The following KLHDC1 variants were observed in gnomAD, a reference collection of about 807,000 sequenced individuals.
The protein encoded by KLHDC1 is kelch domain containing 1, also known as kelch domain-containing protein 1.
In KLHDC1, 53 loss-of-function variants were observed where a neutral mutation model predicts 68.3. The ratio of observed to expected loss-of-function variants is 0.78; its 90% CI spans 0.62 to 0.98. KLHDC1 has a LOEUF of 0.98. Among genes scored for constraint, KLHDC1 ranks in the 50% least tolerant of loss-of-function variants. KLHDC1 has a pLI of 0.00. For synonymous variants in KLHDC1, 148 were observed against 159.0 expected (o/e 0.93, Z 0.52); for missense variants, 470 against 492.3 (o/e 0.95, Z 0.43).
At chr14:49,693,365 A>AC in intron 1 of KLHDC1, 75 bp downstream of exon 1, 1 of 1,099,244 alleles carries the variant, frequency 9.1e-7, no homozygotes, top group Admixed American at 4.2e-5. Flanking sequence ...CGCCCGCCAC[A>AC]CCCGCTCCCG....
chr14:49,725,328 A>G (rs1888638647), intron 5 of KLHDC1, among the ~76,000 whole-genome samples: 1 of 152,310 alleles, frequency 6.6e-6, no homozygotes, highest in Non-Finnish European at 1.5e-5. Flanking sequence ...TTACAGCAAA[A>G]ATGAGGAGTT....
Position 49,725,764 on chromosome 14 carries a change from A to C in KLHDC1, c.562A>C (p.Ile188Leu), listed in dbSNP as rs767368976. The stretch of plus-strand genomic sequence containing the variant: ...GACACAGACTTGGTTTCAACCAGAA[A>C]TTAAAGTAAGTGTGGTAAAAAGTCA... ...TKTQTWFQPEIKGGVPPQPRA... is the reference protein window; with the variant it reads ...TKTQTWFQPELKGGVPPQPRA... Residue 188 changes from isoleucine (I) to leucine (L), a missense_variant, in exon 6 of 13, where the codon ATT becomes CTT. By Grantham distance (5) the Ile-to-Leu change is conservative. Coordinates refer to ENST00000359332, the MANE Select transcript of KLHDC1 (RefSeq NM_172193.3). The C allele has an allele frequency of 2.0e-5, 31 of 1,529,786 alleles. No individual in the cohort carries two copies. Among genetic ancestry groups the C allele is most frequent in the Non-Finnish European group, 2.5e-5 (28 of 1,117,210 alleles). The allele number at this position is 1,529,786 out of a possible 1,614,324, so 94.8% of individuals were successfully genotyped here.
intron 7 of KLHDC1, among the ~76,000 whole-genome samples, chr14:49,729,264 T>G (rs140942635): frequency 2.6e-5 from 4 of 152,336 alleles, no homozygotes; most frequent in African/African-American, 7.2e-5. Context: ...CTAAAGCCTG[T>G]GAATTTAAAC....
chr14:49,699,421 T>TA lies in KLHDC1; in HGVS notation c.96+6146dup, dbSNP rs75035029. ...GAAGCCATATGGGTAGTATAGGCTT[T>TA]AAAAAAAAAAAAAAAGAGGACATGG... On this transcript the variant is annotated intron_variant, in intron 1 of 12. Coordinates refer to ENST00000359332, the MANE Select transcript of KLHDC1 (RefSeq NM_172193.3). Among the ~76,000 whole-genome samples, 516 of 136,178 alleles carry TA rather than the reference T, an allele frequency of 3.8e-3. 1 individual carries two copies. The highest frequency in any genetic ancestry group is 7.1e-3 in the East Asian group (34 of 4,804). The allele number at this position is 136,178 out of a possible 152,430, so 89.3% of individuals were successfully genotyped here. A position where few individuals can be genotyped will look rare whatever the true frequency, so the allele number is the denominator to read the frequency against.
chr14:49,710,127 A>G (rs1490423853), intron 3 of KLHDC1, 136 bp from the exon 4 acceptor site: 2 of 558,034 alleles, frequency 3.6e-6, no homozygotes, highest in African/African-American at 1.9e-5. Flanking sequence ...TTATTCTCCA[A>G]TTTTTAAATT....
chr14:49,751,821 C>A lies in KLHDC1; in HGVS notation c.*49C>A. 2.0e-6 allele frequency: 2 copies of A among 990,264 alleles called. No homozygotes were observed. The highest frequency in any genetic ancestry group is 2.8e-6 in the Non-Finnish European group (2 of 705,904). The allele number at this position is 990,264 out of a possible 1,614,324, so 61.3% of individuals were successfully genotyped here. ...AGTATGTTTTAACTTTTTAATCAGA[C>A]TATACATTTACACTCCCAAATTGCA... On this transcript the variant is annotated 3_prime_UTR_variant, in exon 13 of 13. Coordinates refer to ENST00000359332, the MANE Select transcript of KLHDC1 (RefSeq NM_172193.3).
intron 8 of KLHDC1, among the ~76,000 whole-genome samples, chr14:49,732,401 G>A (rs1356814284): frequency 1.3e-5 from 2 of 152,110 alleles, no homozygotes; most frequent in Non-Finnish European, 1.5e-5. Context: ...TCGAACTCCT[G>A]AGTTCAGGCA....
chr14:49,728,800 G>A lies in KLHDC1; in HGVS notation c.568-126G>A, dbSNP rs969940531. 36 of 702,628 alleles carry A rather than the reference G, an allele frequency of 5.1e-5. No individual in the cohort carries two copies. In the East Asian group the frequency reaches 6.6e-4, roughly 13 times the overall value. The allele number at this position is 702,628 out of a possible 1,614,324, so 43.5% of individuals were successfully genotyped here. A position where few individuals can be genotyped will look rare whatever the true frequency, so the allele number is the denominator to read the frequency against. ...ATTTAGAATAAACTTTTGCATTAGC[G>A]TTTTTAATTGAATTACATAGGTAAT... On this transcript the variant is annotated intron_variant, in intron 6 of 12. Coordinates refer to ENST00000359332, the MANE Select transcript of KLHDC1 (RefSeq NM_172193.3).
chr14:49,702,149 CAA>C (rs1428266067), intron 1 of KLHDC1, among the ~76,000 whole-genome samples: 3 of 113,012 alleles, frequency 2.7e-5, no homozygotes, highest in East Asian at 2.6e-4. Context: ...GCCTGGGCAA[CAA>C]GAGCGAAATT....
intron 1 of KLHDC1, among the ~76,000 whole-genome samples, chr14:49,702,916 G>A (rs1292710591): frequency 1.3e-5 from 2 of 152,150 alleles, no homozygotes; most frequent in African/African-American, 4.8e-5. Flanking sequence ...CAGCAGTGTG[G>A]TGTGCACCAG....
intron 1 of KLHDC1, among the ~76,000 whole-genome samples, chr14:49,697,298 G>A (rs553664297): frequency 6.6e-6 from 1 of 152,184 alleles, no homozygotes; most frequent in Non-Finnish European, 1.5e-5. Context: ...GGAGAGAGAG[G>A]GGGGAATGGT....
chr14:49,742,323 A>G (rs1448517731), intron 11 of KLHDC1, among the ~76,000 whole-genome samples: 1 of 152,210 alleles, frequency 6.6e-6, no homozygotes, highest in Non-Finnish European at 1.5e-5. Flanking sequence ...TAACTTTTAG[A>G]TGAGAGACTC....
intron 6 of KLHDC1, among the ~76,000 whole-genome samples, chr14:49,726,245 G>A (rs1171920406): frequency 6.6e-6 from 1 of 152,076 alleles, no homozygotes; most frequent in Admixed American, 6.6e-5. Context: ...CATCAGAACC[G>A]TAGATGGCAC....
intron 11 of KLHDC1, among the ~76,000 whole-genome samples, chr14:49,743,184 G>C (rs1889109484): frequency 6.6e-6 from 1 of 151,768 alleles, no homozygotes; most frequent in Non-Finnish European, 1.5e-5. Flanking sequence ...ATCACCTGAG[G>C]TCAGGAGTTC....
chr14:49,693,356 G>GCCCGCCACA, intron 1 of KLHDC1, 66 bp downstream of exon 1: 2 of 1,155,994 alleles, frequency 1.7e-6, no homozygotes, highest in Non-Finnish European at 2.3e-6. Flanking sequence ...CGGACGCAGC[G>GCCCGCCACA]CCCGCCACAC....
At position 49,751,862 on chromosome 14, in the gene KLHDC1, A is replaced by G; in HGVS notation, c.*90A>G. The G allele has an allele frequency of 1.7e-6, 1 of 578,046 alleles. No homozygotes were observed. The highest frequency in any genetic ancestry group is 2.8e-6 in the Non-Finnish European group (1 of 363,326). The allele number at this position is 578,046 out of a possible 1,614,324, so 35.8% of individuals were successfully genotyped here. A position where few individuals can be genotyped will look rare whatever the true frequency, so the allele number is the denominator to read the frequency against. On this transcript the variant is annotated 3_prime_UTR_variant, in exon 13 of 13. Transcript: ENST00000359332. ...CCAAATTGCAGGCTTTATTTAAAGG[A>G]TAAAATTTAAAGGATAAAAAAACAG...
intron 1 of KLHDC1, among the ~76,000 whole-genome samples, chr14:49,700,781 G>A (rs756126487): frequency 6.6e-6 from 1 of 151,982 alleles, no homozygotes; most frequent in African/African-American, 2.4e-5. Context: ...AATGAAATGC[G>A]AAAGGAATTA....
chr14:49,719,235 AG>A, intron 4 of KLHDC1, among the ~76,000 whole-genome samples: 1 of 152,050 alleles, frequency 6.6e-6, no homozygotes, highest in African/African-American at 2.4e-5. Context: ...TTTTTAATGT[AG>A]GCATTTACAG....
At chr14:49,695,571 T>C (rs1385974054) in intron 1 of KLHDC1, among the ~76,000 whole-genome samples, 2 of 152,166 alleles carry the variant, frequency 1.3e-5, no homozygotes, top group Non-Finnish European at 2.9e-5. Context: ...ACAGGCAGTG[T>C]AGATTTAGCA....
Sources: gnomAD v4.1 joint callset for allele counts (sites outside exome capture counted in the v4.1 genomes callset) on GRCh38, gnomAD v4.1.1 for gene constraint, MANE v1.5 for transcripts, NCBI Gene and HGNC (gene_info 2026-07-23, HGNC 2026-07-21) for gene names.